The following EXD1 variants were observed in gnomAD, a reference collection of about 807,000 sequenced individuals.
EXD1 encodes piRNA biogenesis protein EXD1.
In EXD1, 63 loss-of-function variants were observed where a neutral mutation model predicts 49.1. The ratio of observed to expected loss-of-function variants is 1.28; its 90% CI spans 1.05 to 1.58. The LOEUF is 1.58. Among genes scored for constraint, EXD1 ranks in the 40% most tolerant of loss-of-function variants. EXD1 has a pLI of 0.00. For missense variants in EXD1, 748 were observed against 666.0 expected, an observed-to-expected ratio of 1.12 and a Z score of -1.36; for synonymous variants, 234 against 239.2, an observed-to-expected ratio of 0.98 and a Z score of 0.20.
intron 7 of EXD1, among the ~76,000 whole-genome samples, chr15:41,199,364 A>G (rs970792122): frequency 6.6e-6 from 1 of 151,360 alleles, no homozygotes; most frequent in African/African-American, 2.4e-5. Flanking sequence ...CTGGGATTAC[A>G]GGCATGCACC....
intron 2 of EXD1, among the ~76,000 whole-genome samples, chr15:41,225,905 AC>A (rs755915313): frequency 0.14 from 19,693 of 145,840 alleles, 2,032 homozygotes; most frequent in African/African-American, 0.32. Flanking sequence ...ACAAAACAAA[AC>A]AAAACAAAAA....
chr15:41,209,415 TAC>T, intron 7 of EXD1, 84 bp downstream of exon 7: 2 of 1,162,534 alleles, frequency 1.7e-6, no homozygotes, highest in Non-Finnish European at 2.5e-6. Context: ...ATCTCTAAAA[TAC>T]AGTTTTCAAA....
intron 11 of EXD1, among the ~76,000 whole-genome samples, chr15:41,188,745 A>G (rs1266051902): frequency 6.6e-6 from 1 of 151,278 alleles, no homozygotes; most frequent in Non-Finnish European, 1.5e-5. Context: ...TGCTTGAAAA[A>G]TGATTGAAAT....
chr15:41,208,753 A>G lies in EXD1; in HGVS notation c.534+748T>C, dbSNP rs1363123787. Among the ~76,000 whole-genome samples, 5 of 151,870 alleles carry G rather than the reference A, an allele frequency of 3.3e-5. No individual in the cohort carries two copies. In the East Asian group the frequency reaches 9.6e-4, roughly 29 times the overall value. ...TGACAGAGCAAGACTTTGTCTCAAAATAATAATAATAATAGTAATAATAAT... is the reference window on the plus strand; with the variant it reads ...TGACAGAGCAAGACTTTGTCTCAAAGTAATAATAATAATAGTAATAATAAT... On this transcript the variant is annotated intron_variant, in intron 7 of 11. Coordinates refer to ENST00000458580, the MANE Select transcript of EXD1 (RefSeq NM_001286441.2).
intron 4 of EXD1, 31 bp from the exon 5 acceptor site, chr15:41,216,826 A>C (rs1400268253): frequency 6.2e-7 from 1 of 1,609,688 alleles, no homozygotes; most frequent in Non-Finnish European, 8.5e-7. Context: ...ATTTGGGTGA[A>C]CTTGTTCTTT....
In EXD1 at chr15:41,184,516, T is replaced by G. The variant is rs566932891; in HGVS notation, c.1134A>C (p.Arg378Ser). 1 of 1,613,444 alleles carries G rather than the reference T, an allele frequency of 6.2e-7. No homozygotes were observed. Among genetic ancestry groups the G allele is most frequent in the Non-Finnish European group, 8.5e-7 (1 of 1,179,856 alleles). The change falls in exon 12 of 12, where the codon AGA becomes AGC. Residue 378 changes from arginine to serine, a missense_variant. Arg to Ser is a moderately radical substitution (Grantham distance 110). Coordinates refer to ENST00000458580, the MANE Select transcript of EXD1 (RefSeq NM_001286441.2). ...FQKQRREKAA[R>S]EYRVNAQGLL... is the part of the protein sequence containing the mutation. ...GTCCCTGTGCATTCACCCTATATTC[T>G]CTTGCAGCTTTCTCCCTGCGCTGCT...
chr15:41,220,788 C>T (rs2140902274), intron 2 of EXD1, among the ~76,000 whole-genome samples: 1 of 152,278 alleles, frequency 6.6e-6, no homozygotes, highest in Middle Eastern at 3.4e-3. Flanking sequence ...GAGTTCCACC[C>T]TCACTATTCC....
Position 41,209,539 on chromosome 15 carries a change from C to T in EXD1, c.496G>A (p.Ala166Thr), listed in dbSNP as rs2046889523. Residue 166 changes from alanine (A) to threonine (T), a missense_variant, in exon 7 of 12, where the codon GCG (alanine) becomes ACG (threonine). By Grantham distance (58) the Ala-to-Thr change is moderately conservative. Transcript: ENST00000458580. ...QNVLSVAAEG[A>T]NVCRHGKLCW... is the part of the protein sequence containing the mutation. ...AGTTTGCCATGGCGACATACATTCG[C>T]TCCTTCTGCTGCCACACTCAGGACA... 5 of 1,614,062 alleles carry T rather than the reference C, an allele frequency of 3.1e-6. No homozygotes were observed. The highest frequency in any genetic ancestry group is 4.2e-6 in the Non-Finnish European group (5 of 1,180,030).
At chr15:41,198,413 G>A (rs2046649057) in intron 7 of EXD1, among the ~76,000 whole-genome samples, 1 of 152,104 alleles carries the variant, frequency 6.6e-6, no homozygotes, top group South Asian at 2.1e-4. Flanking sequence ...AAGGGAGGCT[G>A]GGCAAGGTGG....
chr15:41,230,681 C>A lies in EXD1; in HGVS notation c.-256G>T. The A allele has an allele frequency of 1.1e-6, 1 of 951,452 alleles. No individual in the cohort carries two copies. The highest frequency in any genetic ancestry group is 1.6e-6 in the Non-Finnish European group (1 of 640,542). 58.9% of individuals were successfully genotyped at this position (951,452 alleles called of 1,614,324 possible). ...CGGTTATCAAATCACAGGCTGAAAA[C>A]CTGGAGAAAGGTCCGCGACGCCGGG... On this transcript the variant is annotated 5_prime_UTR_variant, in exon 1 of 12. Coordinates refer to ENST00000458580, the MANE Select transcript of EXD1 (RefSeq NM_001286441.2).
At chr15:41,220,437 T>C (rs147944104) in intron 2 of EXD1, among the ~76,000 whole-genome samples, 51 of 152,182 alleles carry the variant, frequency 3.4e-4, no homozygotes, top group African/African-American at 1.1e-3. Flanking sequence ...CGTTTTATAT[T>C]TTAGTAGAGA....
chr15:41,211,096 C>G (rs995989243), intron 6 of EXD1, among the ~76,000 whole-genome samples: 1 of 152,078 alleles, frequency 6.6e-6, no homozygotes, highest in Non-Finnish European at 1.5e-5. Flanking sequence ...GTTTTTGAGA[C>G]AGTCTCATGC....
At chr15:41,198,065 C>T (rs940113837) in intron 7 of EXD1, among the ~76,000 whole-genome samples, 2 of 152,094 alleles carry the variant, frequency 1.3e-5, no homozygotes, top group Admixed American at 6.6e-5. Context: ...TTTTACCAGT[C>T]TCATCTATGG....
intron 7 of EXD1, among the ~76,000 whole-genome samples, chr15:41,208,866 GAA>G (rs2046876108): frequency 6.6e-6 from 1 of 152,032 alleles, no homozygotes; most frequent in African/African-American, 2.4e-5. Context: ...ACCCCAGAAT[GAA>G]AAGAGACGAC....
At chr15:41,230,415 G>T in intron 1 of EXD1, 64 bp downstream of exon 1, 1 of 1,530,846 alleles carries the variant, frequency 6.5e-7, no homozygotes, top group Non-Finnish European at 9.1e-7. Flanking sequence ...AATACACCAT[G>T]AGAATAAAAT....
chr15:41,187,360 G>A (rs2046428603), intron 11 of EXD1, among the ~76,000 whole-genome samples: 1 of 152,108 alleles, frequency 6.6e-6, no homozygotes, highest in East Asian at 1.9e-4. Context: ...AAAGTGCTGG[G>A]ATTACAGGCA....
intron 7 of EXD1, among the ~76,000 whole-genome samples, chr15:41,199,753 A>AATATACCATATATG (rs1326775145): frequency 1.0e-5 from 1 of 96,890 alleles, no homozygotes; most frequent in African/African-American, 4.5e-5. Flanking sequence ...TATATTATAT[A>AATATACCATATATG]TGATACATAT....
At chr15:41,204,208 A>G (rs1365610964) in intron 7 of EXD1, among the ~76,000 whole-genome samples, 1 of 143,142 alleles carries the variant, frequency 7.0e-6, no homozygotes, top group Non-Finnish European at 1.5e-5. Flanking sequence ...AGATCATGCC[A>G]CTGCACCCCA....
At chr15:41,200,879 A>AT (rs202230273) in intron 7 of EXD1, among the ~76,000 whole-genome samples, 21,253 of 144,894 alleles carry the variant, frequency 0.15, 2,347 homozygotes, top group African/African-American at 0.31. Context: ...AGAATGTTCT[A>AT]TTTTTTTTTT....
Sources: allele counts gnomAD v4.1 joint callset (sites outside exome capture counted in the v4.1 genomes callset), GRCh38; gene constraint gnomAD v4.1.1; transcripts MANE v1.5; gene names NCBI Gene and HGNC (gene_info 2026-07-23, HGNC 2026-07-21).